Variants in SPMIP7 observed in about 807,000 individuals in gnomAD.
SPMIP7 encodes the protein sperm microtubule inner protein 7.
the SPMIP7 span, among the ~76,000 whole-genome samples, chr7:50,133,079 G>T: frequency 6.6e-6 from 1 of 152,112 alleles, no homozygotes; most frequent in Non-Finnish European, 1.5e-5. Flanking sequence ...AAGGTCTGGG[G>T]ATCCATCTAT....
At chr7:50,113,158 C>T in the SPMIP7 span, among the ~76,000 whole-genome samples, 33,494 of 151,784 alleles carry the variant, frequency 0.22, 3,875 homozygotes, top group Admixed American at 0.29. Context: ...TTTAAAGATT[C>T]CTCTGGACTT....
chr7:50,108,506 C>A, the SPMIP7 span, among the ~76,000 whole-genome samples: 3 of 152,016 alleles, frequency 2.0e-5, no homozygotes, highest in Non-Finnish European at 4.4e-5. Context: ...AGATAATAGT[C>A]AACAAGCATG....
chr7:50,097,064 C>T, the SPMIP7 span, among the ~76,000 whole-genome samples: 4 of 152,188 alleles, frequency 2.6e-5, no homozygotes, highest in Non-Finnish European at 4.4e-5. Context: ...CTTGAACGTA[C>T]ATTTTTTGGC....
the SPMIP7 span, among the ~76,000 whole-genome samples, chr7:50,098,069 G>T: frequency 6.6e-6 from 1 of 152,084 alleles, no homozygotes. Flanking sequence ...GTACTTTCAG[G>T]ATGTAACAAA....
chr7:50,125,133 C>A, the SPMIP7 span, among the ~76,000 whole-genome samples: 1 of 100,476 alleles, frequency 1.0e-5, no homozygotes, highest in Non-Finnish European at 2.2e-5. Context: ...CACACACACA[C>A]ACACACACAT....
At chr7:50,117,431 A>T in the SPMIP7 span, 1,390 of 244,784 alleles carry the variant, frequency 5.7e-3, 48 homozygotes, top group Admixed American at 0.06. Context: ...TGCAAAAAAA[A>T]ATATATTAAA....
At chr7:50,132,143 A>T in the SPMIP7 span, among the ~76,000 whole-genome samples, 3 of 152,136 alleles carry the variant, frequency 2.0e-5, no homozygotes, top group African/African-American at 7.2e-5. Context: ...ATGAGGAAAA[A>T]GTCTTGTTCA....
the SPMIP7 span, among the ~76,000 whole-genome samples, chr7:50,128,105 T>C: frequency 1.3e-5 from 2 of 151,912 alleles, no homozygotes; most frequent in African/African-American, 2.4e-5. Context: ...AAATGTGGTA[T>C]ATATACACAA....
chr7:50,145,304 T>A, the SPMIP7 span, among the ~76,000 whole-genome samples: 6 of 151,578 alleles, frequency 4.0e-5, no homozygotes, highest in African/African-American at 1.2e-4. Context: ...TCTGTTGTTT[T>A]TATCCTCTTC....
chr7:50,132,421 T>C, the SPMIP7 span, among the ~76,000 whole-genome samples: 373 of 152,306 alleles, frequency 2.4e-3, 2 homozygotes, highest in Non-Finnish European at 4.4e-3. Context: ...TTTATTAAGG[T>C]TGTGATACTT....
the SPMIP7 span, among the ~76,000 whole-genome samples, chr7:50,106,480 A>T: frequency 6.6e-6 from 1 of 152,226 alleles, no homozygotes; most frequent in Non-Finnish European, 1.5e-5. Context: ...TCAAGTCCTG[A>T]ACTAGGATGA....
the SPMIP7 span, among the ~76,000 whole-genome samples, chr7:50,124,060 A>G: frequency 4.6e-5 from 7 of 152,184 alleles, no homozygotes; most frequent in Non-Finnish European, 8.8e-5. Flanking sequence ...CATACAATGT[A>G]AATAAAATAT....
At chr7:50,157,414 T>C in the SPMIP7 span, among the ~76,000 whole-genome samples, 1 of 152,124 alleles carries the variant, frequency 6.6e-6, no homozygotes, top group Admixed American at 6.6e-5. Context: ...TAGCTCCCAT[T>C]TCCACCGCAG....
chr7:50,142,749 A>C, the SPMIP7 span: 3 of 152,216 alleles, frequency 2.0e-5, no homozygotes, highest in African/African-American at 7.2e-5. Flanking sequence ...GTGTGGCCCC[A>C]ATCTCATTGC....
At chr7:50,143,156 G>C in the SPMIP7 span, among the ~76,000 whole-genome samples, 1 of 127,042 alleles carries the variant, frequency 7.9e-6, no homozygotes, top group Non-Finnish European at 1.6e-5. Context: ...TTCAGTGAAA[G>C]CCATTTTTTT....
chr7:50,142,714 C>G, the SPMIP7 span: 2 of 152,166 alleles, frequency 1.3e-5, no homozygotes, highest in African/African-American at 4.8e-5. Flanking sequence ...CATACAGAAT[C>G]TTACTCAAAT....
chr7:50,145,394 C>T, the SPMIP7 span, among the ~76,000 whole-genome samples: 1 of 151,078 alleles, frequency 6.6e-6, no homozygotes, highest in African/African-American at 2.4e-5. Flanking sequence ...AACCATTTTA[C>T]AGTCCCATAT....
the SPMIP7 span, among the ~76,000 whole-genome samples, chr7:50,125,818 C>G: frequency 6.6e-6 from 1 of 151,818 alleles, no homozygotes; most frequent in Non-Finnish European, 1.5e-5. Flanking sequence ...TTTCCAGGAG[C>G]TGAGGGGTGG....
the SPMIP7 span, among the ~76,000 whole-genome samples, chr7:50,149,770 TA>T: frequency 6.6e-6 from 1 of 152,324 alleles, no homozygotes; most frequent in South Asian, 2.1e-4. Flanking sequence ...TTAGGAGATT[TA>T]TTAGTGCAAT....
Sources: allele counts gnomAD v4.1 joint callset (sites outside exome capture counted in the v4.1 genomes callset), GRCh38; gene constraint gnomAD v4.1.1; transcripts MANE v1.5; gene names NCBI Gene and HGNC (gene_info 2026-07-23, HGNC 2026-07-21).